Variants in NYAP2 observed in about 807,000 individuals in gnomAD.
The protein encoded by NYAP2 is neuronal tyrosine-phosphorylated phosphoinositide-3-kinase adapter 2.
A neutral mutation model predicts 50.4 loss-of-function variants in NYAP2; 23 were observed. The ratio of observed to expected loss-of-function variants is 0.46; its 90% CI spans 0.33 to 0.65. NYAP2 has a LOEUF of 0.65. Ranked by LOEUF, NYAP2 falls within the 30% of genes least tolerant of loss-of-function variation. The probability of loss-of-function intolerance (pLI) is 0.02; values close to 1 mark genes in which losing one functional copy is unlikely to be tolerated. For synonymous variants in NYAP2, 394 were observed against 365.2 expected (o/e 1.08, Z -0.90); for missense variants, 885 against 861.0 (o/e 1.03, Z -0.35).
intron 4 of NYAP2, among the ~76,000 whole-genome samples, chr2:225,521,502 G>A (rs1354135237): frequency 3.7e-4 from 56 of 151,768 alleles, no homozygotes; most frequent in African/African-American, 6.5e-4. Context: ...GAATTTTGTC[G>A]AAGGCCTTTT....
chr2:225,574,184 T>G (rs1053998895), intron 4 of NYAP2, among the ~76,000 whole-genome samples: 1 of 152,208 alleles, frequency 6.6e-6, no homozygotes, highest in Non-Finnish European at 1.5e-5. Flanking sequence ...ATTCCTCATA[T>G]GCAAAGGCTT....
At chr2:225,550,903 T>A (rs1691662002) in intron 4 of NYAP2, among the ~76,000 whole-genome samples, 1 of 152,156 alleles carries the variant, frequency 6.6e-6, no homozygotes, top group Non-Finnish European at 1.5e-5. Context: ...AAGAGGAAAT[T>A]TTTATTTAGT....
intron 4 of NYAP2, among the ~76,000 whole-genome samples, chr2:225,520,807 A>T (rs1339257564): frequency 6.6e-6 from 1 of 152,196 alleles, no homozygotes; most frequent in African/African-American, 2.4e-5. Flanking sequence ...CAATTCTGTG[A>T]AGAAAGTCAT....
intron 4 of NYAP2, among the ~76,000 whole-genome samples, chr2:225,525,623 A>C (rs1691137128): frequency 6.6e-6 from 1 of 152,158 alleles, no homozygotes; most frequent in Admixed American, 6.5e-5. Context: ...AGACTCCAAG[A>C]GGTAGAAGGA....
intron 6 of NYAP2, among the ~76,000 whole-genome samples, chr2:225,647,522 C>T (rs1319860031): frequency 6.6e-6 from 1 of 152,178 alleles, no homozygotes; most frequent in Non-Finnish European, 1.5e-5. Context: ...CAGAGGGTCA[C>T]ATCCCCTCTA....
At chr2:225,693,287 G>C in the NYAP2 span, among the ~76,000 whole-genome samples, 3 of 152,070 alleles carry the variant, frequency 2.0e-5, no homozygotes, top group East Asian at 5.8e-4. Context: ...GTACTGGTAT[G>C]GTATTTTGTA....
chr2:225,540,476 T>A (rs1040775799), intron 4 of NYAP2, among the ~76,000 whole-genome samples: 9 of 152,170 alleles, frequency 5.9e-5, no homozygotes, highest in Non-Finnish European at 1.0e-4. Flanking sequence ...CTCCCCCTTA[T>A]AATAACCATC....
chr2:225,555,138 C>A (rs961787069), intron 4 of NYAP2, among the ~76,000 whole-genome samples: 7 of 152,034 alleles, frequency 4.6e-5, no homozygotes, highest in Non-Finnish European at 1.0e-4. Context: ...AGACTGAAAT[C>A]ATCATATTCA....
At chr2:225,511,608 A>G (rs1690819660) in intron 3 of NYAP2, among the ~76,000 whole-genome samples, 1 of 152,156 alleles carries the variant, frequency 6.6e-6, no homozygotes, top group South Asian at 2.1e-4. Flanking sequence ...CATATAAAAT[A>G]TTTTGGGTTG....
chr2:225,442,834 C>G (rs1186169813), intron 3 of NYAP2, among the ~76,000 whole-genome samples: 3 of 152,178 alleles, frequency 2.0e-5, no homozygotes, highest in Non-Finnish European at 4.4e-5. Context: ...CCTTGGCCCC[C>G]ACAAAGTGCT....
the NYAP2 span, among the ~76,000 whole-genome samples, chr2:225,661,695 A>G: frequency 6.6e-6 from 1 of 150,922 alleles, no homozygotes; most frequent in Non-Finnish European, 1.5e-5. Context: ...TAGTTGCCTC[A>G]TATATAACTT....
At chr2:225,655,070 G>A (rs1693801432), downstream of NYAP2, among the ~76,000 whole-genome samples, 2 of 152,230 alleles carry the variant, frequency 1.3e-5, no homozygotes, top group South Asian at 4.1e-4. Flanking sequence ...CACCACCAGA[G>A]GTGGTATATG....
exon 7 of NYAP2, chr2:225,652,456 G>A (rs563832498): frequency 6.6e-5 from 10 of 152,272 alleles, no homozygotes; most frequent in African/African-American, 2.4e-4. Flanking sequence ...TCTGATGTTC[G>A]TTTGGGTACG....
Position 225,401,562 on chromosome 2 carries a change from T to C in NYAP2, c.-18+519T>C, listed in dbSNP as rs535974187. ...TCCTGACTGATTAGACATAAACCTCTTTGAGAAACATTTTTTAATACTATT... is the reference window on the plus strand; with the variant it reads ...TCCTGACTGATTAGACATAAACCTCCTTGAGAAACATTTTTTAATACTATT... On this transcript the variant is annotated intron_variant, in intron 2 of 6. Coordinates refer to ENST00000636099, the Ensembl canonical transcript of NYAP2. Among the ~76,000 whole-genome samples, 3 of 152,158 alleles carry C rather than the reference T, an allele frequency of 2.0e-5. No individual in the cohort carries two copies. In the East Asian group the frequency reaches 5.8e-4, roughly 30 times the overall value.
chr2:225,489,904 T>C (rs943933591), intron 3 of NYAP2, among the ~76,000 whole-genome samples: 1 of 152,180 alleles, frequency 6.6e-6, no homozygotes, highest in African/African-American at 2.4e-5. Flanking sequence ...GTGGATCCAA[T>C]GTATAGCCAA....
At chr2:225,537,970 G>A (rs1043576712) in intron 4 of NYAP2, among the ~76,000 whole-genome samples, 42 of 152,276 alleles carry the variant, frequency 2.8e-4, no homozygotes, top group African/African-American at 9.6e-4. Flanking sequence ...ATCCAGTGGG[G>A]CAATCAAATC....
intron 4 of NYAP2, among the ~76,000 whole-genome samples, chr2:225,529,305 G>A (rs762034604): frequency 1.9e-4 from 29 of 151,942 alleles, no homozygotes; most frequent in Middle Eastern, 3.4e-3. Flanking sequence ...TCTTTTGTTT[G>A]TTTTTTGTTT....
chr2:225,427,682 A>G, intron 3 of NYAP2, among the ~76,000 whole-genome samples: 1 of 152,186 alleles, frequency 6.6e-6, no homozygotes, highest in East Asian at 1.9e-4. Flanking sequence ...GTCTACTAGC[A>G]TTCTTTACAT....
At chr2:225,422,620 A>G (rs993854550) in intron 3 of NYAP2, among the ~76,000 whole-genome samples, 5 of 152,210 alleles carry the variant, frequency 3.3e-5, no homozygotes, top group African/African-American at 1.2e-4. Context: ...GCAGGGAGTA[A>G]TTCAACTACA....
Sources: allele counts gnomAD v4.1 joint callset (sites outside exome capture counted in the v4.1 genomes callset), GRCh38; gene constraint gnomAD v4.1.1; transcripts MANE v1.5; gene names NCBI Gene and HGNC (gene_info 2026-07-23, HGNC 2026-07-21).